Variants in MAP2K4 observed in about 807,000 individuals in gnomAD.
The protein encoded by MAP2K4 is dual specificity mitogen-activated protein kinase kinase 4.
MAP2K4 carries 4 observed loss-of-function variants against 48.5 expected under a neutral mutation model. That is an observed-to-expected ratio of 0.08 (90% CI 0.04 to 0.19). The LOEUF is 0.19. Ranked by LOEUF, MAP2K4 falls within the 10% of genes least tolerant of loss-of-function variation. The pLI is 1.00. For missense variants in MAP2K4, 258 were observed against 493.3 expected (o/e 0.52, Z 4.52); for synonymous variants, 166 against 173.1 (o/e 0.96, Z 0.32).
At chr17:12,090,572 C>T (rs1971528841) in intron 3 of MAP2K4, among the ~76,000 whole-genome samples, 1 of 152,172 alleles carries the variant, frequency 6.6e-6, no homozygotes, top group Admixed American at 6.5e-5. Flanking sequence ...GCCTGCCTTC[C>T]TTTGCCACAC....
intron 3 of MAP2K4, among the ~76,000 whole-genome samples, chr17:12,086,340 A>T (rs1367918920): frequency 6.6e-6 from 1 of 152,156 alleles, no homozygotes; most frequent in Non-Finnish European, 1.5e-5. Flanking sequence ...TAAGTAGAGC[A>T]TTTCCAGGAG....
At chr17:12,092,270 CATTATG>C (rs1401763242) in intron 3 of MAP2K4, among the ~76,000 whole-genome samples, 1 of 152,152 alleles carries the variant, frequency 6.6e-6, no homozygotes, top group African/African-American at 2.4e-5. Flanking sequence ...TGCTTCTGAA[CATTATG>C]ATTATGAGGA....
chr17:12,099,203 C>T (rs1258983038), intron 4 of MAP2K4, among the ~76,000 whole-genome samples: 3 of 149,206 alleles, frequency 2.0e-5, no homozygotes, highest in Middle Eastern at 3.2e-3. Flanking sequence ...CCAGTGTATC[C>T]GTGTTGCTAC....
rs1969241030 is a variant in MAP2K4 at position 12,026,049 on chromosome 17, C to T, written c.115+5048C>T. On this transcript the variant is annotated intron_variant, in intron 1 of 10. Transcript: ENST00000353533. ...CAAGTTCACCTCAGCAAATTAGTCC[C>T]CCCTCAAAGCTCAGACTGCATTTCT... Among the ~76,000 whole-genome samples the T allele has an allele frequency of 1.3e-5, 2 of 152,102 alleles. 1 individual carries two copies. Among genetic ancestry groups the T allele is most frequent in the South Asian group, 4.1e-4 (2 of 4,836 alleles).
intron 4 of MAP2K4, among the ~76,000 whole-genome samples, chr17:12,097,390 T>G (rs1453940894): frequency 6.6e-6 from 1 of 152,254 alleles, no homozygotes; most frequent in Non-Finnish European, 1.5e-5. Context: ...TAATCATTCA[T>G]GTACCATTTA....
chr17:12,107,439 C>T (rs1597474289), intron 4 of MAP2K4, among the ~76,000 whole-genome samples: 1 of 123,424 alleles, frequency 8.1e-6, no homozygotes, highest in Admixed American at 8.7e-5. Flanking sequence ...CTTAAGATTA[C>T]TGTCATCTAT....
At chr17:12,041,812 A>AC (rs1969793857) in intron 1 of MAP2K4, among the ~76,000 whole-genome samples, 1 of 152,200 alleles carries the variant, frequency 6.6e-6, no homozygotes, top group Admixed American at 6.5e-5. Flanking sequence ...CTATTAAATG[A>AC]CAGGTGCTGT....
intron 1 of MAP2K4, chr17:12,036,646 C>T (rs1969608601): frequency 6.6e-6 from 1 of 151,936 alleles, no homozygotes; most frequent in Non-Finnish European, 1.5e-5. Context: ...TTTTTAGAAA[C>T]ACAGTTTTTA....
chr17:12,129,127 T>G lies in MAP2K4; in HGVS notation c.892-12T>G, dbSNP rs377437449. The stretch of plus-strand genomic sequence containing the variant: ...CTGGTGTATTTTGCTCTTTCCTCTT[T>G]GTTCTCTTTAGTATGAGTTGGCCAC... On this transcript the variant is annotated splice_polypyrimidine_tract_variant and intron_variant, in intron 8 of 10. Transcript: ENST00000353533. 5.0e-6 allele frequency: 8 copies of G among 1,612,712 alleles called. No individual in the cohort carries two copies. In the African/African-American group the frequency reaches 9.3e-5, roughly 19 times the overall value.
At chr17:12,109,128 A>T (rs1462007861) in intron 5 of MAP2K4, among the ~76,000 whole-genome samples, 3 of 152,182 alleles carry the variant, frequency 2.0e-5, no homozygotes, top group Admixed American at 2.0e-4. Flanking sequence ...AAGCATAGAC[A>T]GATTAAATAA....
chr17:12,044,138 A>T (rs527639320), intron 1 of MAP2K4, among the ~76,000 whole-genome samples: 1 of 152,304 alleles, frequency 6.6e-6, no homozygotes, highest in South Asian at 2.1e-4. Flanking sequence ...CAAACCTGGG[A>T]CAAAGGCAAA....
chr17:12,110,006 C>T (rs1006576863), intron 5 of MAP2K4, among the ~76,000 whole-genome samples: 1 of 151,342 alleles, frequency 6.6e-6, no homozygotes, highest in Non-Finnish European at 1.5e-5. Context: ...TCTGTAGTCC[C>T]AGCTACTTGG....
intron 10 of MAP2K4, among the ~76,000 whole-genome samples, chr17:12,140,235 A>G (rs1973334263): frequency 6.6e-6 from 1 of 152,138 alleles, no homozygotes; most frequent in Non-Finnish European, 1.5e-5. Flanking sequence ...TTCTGCCTTT[A>G]TAAAATTCAT....
intron 1 of MAP2K4, among the ~76,000 whole-genome samples, chr17:12,041,363 A>C (rs993748801): frequency 6.6e-6 from 1 of 152,230 alleles, no homozygotes; most frequent in Non-Finnish European, 1.5e-5. Context: ...TTGTAGTGAC[A>C]TAGTTGGATT....
At chr17:12,091,926 A>C (rs1971576701) in intron 3 of MAP2K4, among the ~76,000 whole-genome samples, 1 of 152,144 alleles carries the variant, frequency 6.6e-6, no homozygotes, top group South Asian at 2.1e-4. Flanking sequence ...ACTTTTTATT[A>C]TTGGGAAAGA....
chr17:12,086,520 G>A (rs1260498736), intron 3 of MAP2K4, among the ~76,000 whole-genome samples: 3 of 152,112 alleles, frequency 2.0e-5, no homozygotes, highest in African/African-American at 4.8e-5. Context: ...AACAGAATTG[G>A]ATGTGCAACC....
At chr17:12,038,483 A>G (rs576415764) in intron 1 of MAP2K4, among the ~76,000 whole-genome samples, 19 of 152,308 alleles carry the variant, frequency 1.2e-4, no homozygotes, top group East Asian at 5.8e-4. Context: ...GAGAGGTACA[A>G]ATGTTAACAG....
chr17:12,131,234 C>CTTTTTT (rs11307653), intron 9 of MAP2K4, among the ~76,000 whole-genome samples: 5 of 130,938 alleles, frequency 3.8e-5, no homozygotes, highest in Non-Finnish European at 4.9e-5. Context: ...GGTCACATTT[C>CTTTTTT]TTTTTTTTTT....
In MAP2K4 at chr17:12,095,895, T is replaced by TTGTGTGTGTG. The variant is rs71947375; in HGVS notation, c.513+225_513+234dup. On this transcript the variant is annotated intron_variant, in intron 4 of 10. Transcript: ENST00000353533. Reference sequence around the variant, plus strand: ...GGTAAGGGGTGAATCACACGTGTGTTTGTGTGTGTGTGTGTGTGTGTGTGT... The same window carrying TTGTGTGTGTG: ...GGTAAGGGGTGAATCACACGTGTGTTTGTGTGTGTGTGTGTGTGTGTGTGTGTGTGTGTGT... Among the ~76,000 whole-genome samples the TTGTGTGTGTG allele has an allele frequency of 3.5e-3, 519 of 147,386 alleles. 6 individuals are homozygous for TTGTGTGTGTG. The highest frequency in any genetic ancestry group is 0.012 in the African/African-American group (463 of 39,686).
Sources: allele counts gnomAD v4.1 joint callset (sites outside exome capture counted in the v4.1 genomes callset), GRCh38; gene constraint gnomAD v4.1.1; transcripts MANE v1.5; gene names NCBI Gene and HGNC (gene_info 2026-07-23, HGNC 2026-07-21).